Variants in TRMT11 observed in about 807,000 individuals in gnomAD.
The protein encoded by TRMT11 is tRNA (guanine(10)-N(2))-methyltransferase TRMT11.
In TRMT11, 53 loss-of-function variants were observed where a neutral mutation model predicts 62.8. That is an observed-to-expected ratio of 0.84 (90% CI 0.68 to 1.06). The LOEUF (loss-of-function observed/expected upper bound fraction) is 1.06, where lower values mean the gene tolerates loss of function less well. Among genes scored for constraint, TRMT11 ranks in the 50% least tolerant of loss-of-function variants. TRMT11 has a pLI of 0.00. For synonymous variants in TRMT11, 188 were observed against 190.3 expected (o/e 0.99, Z 0.10); for missense variants, 556 against 553.4 (o/e 1.00, Z -0.05).
At chr6:126,044,764 A>C (rs1775998457) in intron 16 of TRMT11, among the ~76,000 whole-genome samples, 1 of 152,168 alleles carries the variant, frequency 6.6e-6, no homozygotes, top group South Asian at 2.1e-4. Flanking sequence ...CCCATTATAA[A>C]AGATTGGGTT....
At chr6:126,238,542 G>A in the TRMT11 span, among the ~76,000 whole-genome samples, 1 of 152,054 alleles carries the variant, frequency 6.6e-6, no homozygotes, top group Non-Finnish European at 1.5e-5. Context: ...TCTTAATCCT[G>A]AGTTCTAGTT....
rs1273690362 is a variant in TRMT11, at chr6:125,999,631, T to G, written c.679+18T>G. On this transcript the variant is annotated intron_variant, in intron 7 of 12. Coordinates refer to ENST00000334379, the MANE Select transcript of TRMT11 (RefSeq NM_001031712.3). ...TGGAACAGGTATTTTTATTTAACTT[T>G]TAAGCTAGTGTAGAGATGTTGCTTA... 1.3e-6 allele frequency: 2 copies of G among 1,599,010 alleles called. No homozygotes were observed. The highest frequency in any genetic ancestry group is 3.4e-5 in the Admixed American group (2 of 58,488).
the TRMT11 span, among the ~76,000 whole-genome samples, chr6:126,212,253 A>C: frequency 6.6e-6 from 1 of 152,108 alleles, no homozygotes; most frequent in Non-Finnish European, 1.5e-5. Flanking sequence ...TATCTCTTTG[A>C]TATACTGATT....
rs1454940924 is a variant in TRMT11 at position 126,093,613 on chromosome 6, A to T, written c.*1438-19253A>T. 2.8e-3 allele frequency among the ~76,000 whole-genome samples: 243 copies of T among 87,944 alleles called. 6 individuals carry two copies. Among genetic ancestry groups the T allele is most frequent in the African/African-American group, 0.014 (173 of 12,560 alleles). The allele number at this position is 87,944 out of a possible 152,430, so 57.7% of individuals were successfully genotyped here. ...TATATATATATATATATATATATAT[A>T]TATATATATATATATATATTTTCCC... On this transcript the variant is annotated intron_variant and NMD_transcript_variant, in intron 17 of 22. Coordinates refer to the TRMT11 transcript ENST00000648977.
chr6:126,251,304 C>G, the TRMT11 span, among the ~76,000 whole-genome samples: 1 of 152,150 alleles, frequency 6.6e-6, no homozygotes, highest in South Asian at 2.1e-4. Context: ...GCTGGGATTA[C>G]AGGTGTGAGC....
At chr6:126,098,586 T>G (rs1356343362) in intron 17 of TRMT11, among the ~76,000 whole-genome samples, 1 of 152,190 alleles carries the variant, frequency 6.6e-6, no homozygotes, top group Non-Finnish European at 1.5e-5. Flanking sequence ...TTCTCTGTCT[T>G]TCACCTCCAA....
the TRMT11 span, among the ~76,000 whole-genome samples, chr6:126,270,496 C>G: frequency 1.6e-4 from 24 of 152,002 alleles, no homozygotes; most frequent in African/African-American, 4.6e-4. Context: ...TGATGTTGTT[C>G]GAACAATTGG....
At chr6:126,118,916 G>A (rs1203019334) in intron 21 of TRMT11, among the ~76,000 whole-genome samples, 2 of 152,012 alleles carry the variant, frequency 1.3e-5, no homozygotes, top group East Asian at 3.9e-4. Context: ...TTATTAATAA[G>A]CAGAATGACA....
At chr6:126,192,739 C>T (rs1012914365) in intron 1 of TRMT11, among the ~76,000 whole-genome samples, 1 of 152,030 alleles carries the variant, frequency 6.6e-6, no homozygotes, top group Admixed American at 6.5e-5. Flanking sequence ...TATGATGTAT[C>T]ATGTTTATTG....
chr6:126,142,442 G>A (rs935848049), intron 21 of TRMT11, among the ~76,000 whole-genome samples: 1 of 152,020 alleles, frequency 6.6e-6, no homozygotes, highest in African/African-American at 2.4e-5. Flanking sequence ...TTAAATAAAT[G>A]AGTGGAGTTG....
At chr6:126,215,324 C>T in the TRMT11 span, among the ~76,000 whole-genome samples, 2 of 151,966 alleles carry the variant, frequency 1.3e-5, no homozygotes, top group African/African-American at 2.4e-5. Flanking sequence ...GGGTATATCT[C>T]TCTTTATCTC....
In TRMT11 at chr6:125,998,613, G is replaced by C; in HGVS notation, c.451G>C (p.Val151Leu). Residue 151 changes from valine (V) to leucine (L), a missense_variant, in exon 6 of 13, where the codon GTT becomes CTT. Transcript: ENST00000334379. ...NLKKPQHVFS[V>L]LEDYGLDPNC... Reference sequence around the variant, plus strand: ...AAAGAAACCGCAACATGTATTTTCTGTTTTGGAGGATTATGGTTTAGACCC... The same window carrying C: ...AAAGAAACCGCAACATGTATTTTCTCTTTTGGAGGATTATGGTTTAGACCC... 1.2e-6 allele frequency: 2 copies of C among 1,613,492 alleles called. No individual in the cohort carries two copies. The highest frequency in any genetic ancestry group is 1.7e-6 in the Non-Finnish European group (2 of 1,179,662).
rs1778627491 is a variant in TRMT11, at chr6:126,193,488, G to GTTTTTTTTTTTTTTT, written n.144-5310_144-5309insTTTTTTTTTTTTTTT. On this transcript the variant is annotated intron_variant and non_coding_transcript_variant, in intron 1 of 3. Transcript: ENST00000444229. ...TAGGTTATTTAAGAGGAGCGTTTCT[G>GTTTTTTTTTTTTTTT]TATTTTTTTTTTTTTTTTTTTTTTT... Among the ~76,000 whole-genome samples the GTTTTTTTTTTTTTTT allele has an allele frequency of 1.8e-3, 216 of 118,082 alleles. 25 individuals carry two copies. Among genetic ancestry groups the GTTTTTTTTTTTTTTT allele is most frequent in the African/African-American group, 7.7e-3 (207 of 26,850 alleles). The allele number at this position is 118,082 out of a possible 152,430, so 77.5% of individuals were successfully genotyped here. A position where few individuals can be genotyped will look rare whatever the true frequency, so the allele number is the denominator to read the frequency against.
intron 17 of TRMT11, among the ~76,000 whole-genome samples, chr6:126,064,246 C>G (rs1776621706): frequency 1.3e-5 from 2 of 152,040 alleles, no homozygotes; most frequent in African/African-American, 4.8e-5. Context: ...GACCCTTGAC[C>G]TCTGATGTGT....
At chr6:126,186,797 T>C (rs1221460596) in intron 1 of TRMT11, among the ~76,000 whole-genome samples, 1 of 152,116 alleles carries the variant, frequency 6.6e-6, no homozygotes, top group Non-Finnish European at 1.5e-5. Flanking sequence ...ACTTCTCTCG[T>C]GACCTTTAGT....
At chr6:126,062,661 A>G (rs1776569634) in intron 17 of TRMT11, among the ~76,000 whole-genome samples, 2 of 151,862 alleles carry the variant, frequency 1.3e-5, no homozygotes, top group South Asian at 4.1e-4. Context: ...ATGTTAATAC[A>G]GGCTAATCCA....
intron 17 of TRMT11, among the ~76,000 whole-genome samples, chr6:126,083,112 C>T (rs1463537283): frequency 6.6e-6 from 1 of 152,116 alleles, no homozygotes; most frequent in Non-Finnish European, 1.5e-5. Flanking sequence ...ATTAAAACCT[C>T]TTCTTGTTTT....
At chr6:126,181,064 AT>A (rs879264714) in intron 1 of TRMT11, among the ~76,000 whole-genome samples, 21 of 151,784 alleles carry the variant, frequency 1.4e-4, no homozygotes, top group Admixed American at 2.6e-4. Context: ...TAGAAAGAGG[AT>A]TTTTTTTTAA....
At chr6:126,012,048 A>G (rs1006454318) in intron 9 of TRMT11, among the ~76,000 whole-genome samples, 12 of 152,154 alleles carry the variant, frequency 7.9e-5, no homozygotes, top group African/African-American at 2.9e-4. Context: ...TTTGACAGTA[A>G]ATCTGTAAAA....
Sources: allele counts gnomAD v4.1 joint callset (sites outside exome capture counted in the v4.1 genomes callset), GRCh38; gene constraint gnomAD v4.1.1; transcripts MANE v1.5; gene names NCBI Gene and HGNC (gene_info 2026-07-23, HGNC 2026-07-21).